Variants in PCDH11X observed in about 807,000 individuals in gnomAD.
PCDH11X encodes protocadherin-11 X-linked.
In PCDH11X, 18 loss-of-function variants were observed where a neutral mutation model predicts 53.3. That is an observed-to-expected ratio of 0.34 (90% confidence interval 0.23 to 0.50). The LOEUF (loss-of-function observed/expected upper bound fraction) is 0.50, where lower values mean the gene tolerates loss of function less well. Ranked by LOEUF, PCDH11X falls within the 20% of genes least tolerant of loss-of-function variation. The pLI, the probability that PCDH11X is intolerant of heterozygous loss-of-function variation, is 0.98. For missense variants in PCDH11X, 570 were observed against 1,032.4 expected (o/e 0.55, Z 6.14); for synonymous variants, 279 against 393.3 (o/e 0.71, Z 3.44).
At chrX:92,135,553 G>C (rs1360789421) in intron 6 of PCDH11X, among the ~76,000 whole-genome samples, 1 of 111,619 alleles carries the variant, frequency 9.0e-6, no homozygotes, top group African/African-American at 3.3e-5. Flanking sequence ...ATTCCAATAA[G>C]AGTGATAAAA....
In PCDH11X at chrX:92,474,970, C is replaced by G. The variant is rs1350689228; in HGVS notation, c.3367+6648C>G. Among the ~76,000 whole-genome samples, 3 of 104,899 alleles carry G rather than the reference C, an allele frequency of 2.9e-5. No homozygotes were observed. The Admixed American group carries it at 3.2e-4, about 11-fold the overall frequency. The allele number at this position is 104,899 out of a possible 115,157, so 91.1% of individuals were successfully genotyped here. ...CACGAGGTCAGGAGATCGAGACCAT[C>G]CCGGCTAAGACGGTGAAACCCCGTC... is the stretch of plus-strand genomic sequence containing the variant. On this transcript the variant is annotated intron_variant, in intron 10 of 10. Coordinates refer to ENST00000682573, the MANE Select transcript of PCDH11X (RefSeq NM_032968.5).
At chrX:92,001,695 C>T (rs1208165008) in intron 6 of PCDH11X, among the ~76,000 whole-genome samples, 1 of 109,719 alleles carries the variant, frequency 9.1e-6, no homozygotes, top group African/African-American at 3.3e-5. Context: ...CTCGAACTCC[C>T]GACCTCAGGT....
intron 6 of PCDH11X, among the ~76,000 whole-genome samples, chrX:92,156,847 G>A (rs1206153055): frequency 4.5e-5 from 5 of 111,785 alleles, no homozygotes; most frequent in South Asian, 3.7e-4. Context: ...CACTTCACAC[G>A]TGTGAAGTAA....
In PCDH11X at chrX:91,902,734, C is replaced by T. The variant is rs547121906; in HGVS notation, c.3033+23461C>T. ...AATTGGATTGATTCCCTTCAACTTC[C>T]TTTTCCCAAATCTGGTTTCTTACCT... On this transcript the variant is annotated intron_variant, in intron 6 of 10. Coordinates refer to ENST00000682573, the MANE Select transcript of PCDH11X (RefSeq NM_032968.5). Among the ~76,000 whole-genome samples the T allele has an allele frequency of 3.7e-5, 4 of 109,192 alleles. No homozygotes were observed. The South Asian group carries it at 1.6e-3, about 44-fold the overall frequency. The allele number at this position is 109,192 out of a possible 115,157, so 94.8% of individuals were successfully genotyped here. A position where few individuals can be genotyped will look rare whatever the true frequency, so the allele number is the denominator to read the frequency against.
intron 8 of PCDH11X, among the ~76,000 whole-genome samples, chrX:92,370,869 T>C (rs761304772): frequency 1.5e-4 from 17 of 112,255 alleles, no homozygotes; most frequent in African/African-American, 5.2e-4. Context: ...CTGTTAATGT[T>C]GGCTTCATAT....
intron 8 of PCDH11X, among the ~76,000 whole-genome samples, chrX:92,326,213 A>G (rs888243082): frequency 3.5e-4 from 38 of 109,078 alleles, no homozygotes; most frequent in Non-Finnish European, 2.1e-4. Flanking sequence ...GTTCATGTAG[A>G]TTTCTGGCCT....
intron 8 of PCDH11X, among the ~76,000 whole-genome samples, chrX:92,342,282 T>TCAAA (rs955945548): frequency 5.4e-5 from 6 of 110,264 alleles, no homozygotes; most frequent in East Asian, 2.9e-4. Context: ...TCAAGGATTA[T>TCAAA]CAAACAAACA....
chrX:92,411,968 A>G (rs1232977928), intron 9 of PCDH11X, among the ~76,000 whole-genome samples: 5 of 7,412 alleles, frequency 6.7e-4, no homozygotes, highest in East Asian at 5.8e-3. Flanking sequence ...GAGGAGGAGG[A>G]GGGAAGAAGA....
intron 6 of PCDH11X, among the ~76,000 whole-genome samples, chrX:92,134,862 T>A (rs183995903): frequency 9.0e-6 from 1 of 110,769 alleles, no homozygotes; most frequent in Non-Finnish European, 1.9e-5. Context: ...TTAGCTGACT[T>A]CTTTACTGCA....
At chrX:92,372,350 A>G (rs1013012611) in intron 8 of PCDH11X, among the ~76,000 whole-genome samples, 2 of 107,430 alleles carry the variant, frequency 1.9e-5, no homozygotes, top group Admixed American at 1.0e-4. Context: ...AAATAATACA[A>G]TATAAAAATT....
intron 6 of PCDH11X, among the ~76,000 whole-genome samples, chrX:92,100,824 G>A (rs2064233025): frequency 9.0e-6 from 1 of 111,076 alleles, no homozygotes; most frequent in Non-Finnish European, 1.9e-5. Context: ...ATCAGGGGCA[G>A]TGTGGGAACC....
intron 10 of PCDH11X, among the ~76,000 whole-genome samples, chrX:92,470,660 G>A (rs1245522453): frequency 1.8e-5 from 2 of 111,336 alleles, no homozygotes; most frequent in Non-Finnish European, 3.8e-5. Flanking sequence ...TTTAAATGAA[G>A]GAATGTTGAA....
intron 8 of PCDH11X, among the ~76,000 whole-genome samples, chrX:92,365,815 G>T (rs1004354532): frequency 1.9e-4 from 21 of 109,418 alleles, no homozygotes; most frequent in Admixed American, 1.9e-3. Context: ...AACCAGCCTT[G>T]CATCCCAGGG....
At chrX:92,335,626 T>G (rs2069597861) in intron 8 of PCDH11X, among the ~76,000 whole-genome samples, 1 of 111,086 alleles carries the variant, frequency 9.0e-6, no homozygotes, top group Non-Finnish European at 1.9e-5. Context: ...ACACTTCATC[T>G]GTTAATGGAG....
At chrX:92,460,917 T>G (rs2073027741) in intron 9 of PCDH11X, 1 of 1,098,503 alleles carries the variant, frequency 9.1e-7, no homozygotes, top group East Asian at 3.0e-5. Context: ...CAAAGTGGTG[T>G]CTGAGACCAA....
At chrX:92,430,279 T>G (rs1380333756) in intron 9 of PCDH11X, among the ~76,000 whole-genome samples, 1 of 92,314 alleles carries the variant, frequency 1.1e-5, no homozygotes, top group Admixed American at 1.1e-4. Context: ...AAAATAACTG[T>G]TAAGAATTAA....
rs1260512423 is a variant in PCDH11X at position 92,375,142 on chromosome X, TTA to T, written c.3145-12569_3145-12568del. ...CTTACTTTTTAATCATTCCATTCAT[TTA>T]TATATATATATATATATATATATTT... On this transcript the variant is annotated intron_variant, in intron 8 of 10. Transcript: ENST00000682573. Among the ~76,000 whole-genome samples the T allele has an allele frequency of 3.2e-3, 41 of 12,976 alleles. 3 individuals are homozygous for T. Among genetic ancestry groups the T allele is most frequent in the African/African-American group, 6.8e-3 (31 of 4,586 alleles). The allele number at this position is 12,976 out of a possible 115,157, so 11.3% of individuals were successfully genotyped here.
chrX:91,995,230 A>T (rs1398513224), intron 6 of PCDH11X, among the ~76,000 whole-genome samples: 1 of 107,125 alleles, frequency 9.3e-6, no homozygotes, highest in South Asian at 3.9e-4. Context: ...AAAAAAAAAC[A>T]AAAAAACAAA....
intron 8 of PCDH11X, among the ~76,000 whole-genome samples, chrX:92,351,931 G>A (rs1483088554): frequency 8.9e-6 from 1 of 111,816 alleles, no homozygotes; most frequent in African/African-American, 3.3e-5. Flanking sequence ...GACATGTGAA[G>A]TGTTTAAATG....
Sources: allele counts gnomAD v4.1 joint callset (sites outside exome capture counted in the v4.1 genomes callset), GRCh38; gene constraint gnomAD v4.1.1; transcripts MANE v1.5; gene names NCBI Gene and HGNC (gene_info 2026-07-23, HGNC 2026-07-21).